Variants in TTC6 observed in about 807,000 individuals in gnomAD.
TTC6 encodes the protein tetratricopeptide repeat domain 6.
Under a neutral mutation model 210.4 loss-of-function variants are expected in TTC6, and 172 were observed. That is an observed-to-expected ratio of 0.82 (90% confidence interval 0.72 to 0.93). TTC6 has a LOEUF of 0.93. Ranked by LOEUF, TTC6 falls within the 40% of genes least tolerant of loss-of-function variation. TTC6 has a pLI of 0.00. For synonymous variants in TTC6, 804 were observed against 819.6 expected, an observed-to-expected ratio of 0.98 and a Z score of 0.32; for missense variants, 2,414 against 2,318.1, an observed-to-expected ratio of 1.04 and a Z score of -0.85.
intron 1 of TTC6, among the ~76,000 whole-genome samples, chr14:37,661,110 C>A (rs1482954047): frequency 6.6e-6 from 1 of 152,138 alleles, no homozygotes. Context: ...AGGTAGATTG[C>A]AGAAATTTTC....
chr14:37,704,113 G>T (rs1057127719), intron 5 of TTC6, among the ~76,000 whole-genome samples: 32 of 152,052 alleles, frequency 2.1e-4, no homozygotes, highest in Admixed American at 3.9e-4. Context: ...TAGAGACAGG[G>T]TCTTGCTCTG....
At chr14:37,773,069 A>G (rs1262441897) in intron 14 of TTC6, among the ~76,000 whole-genome samples, 3 of 151,970 alleles carry the variant, frequency 2.0e-5, no homozygotes, top group Admixed American at 6.6e-5. Context: ...GTGTCTGTTC[A>G]TGTCCTTGGC....
intron 20 of TTC6, among the ~76,000 whole-genome samples, chr14:37,803,041 C>G (rs1299611346): frequency 6.6e-6 from 1 of 152,148 alleles, no homozygotes; most frequent in Admixed American, 6.5e-5. Flanking sequence ...CCTTCATTGA[C>G]TTTCTTATTG....
At chr14:37,683,089 T>C in intron 3 of TTC6, 125 bp downstream of exon 5, 1 of 773,962 alleles carries the variant, frequency 1.3e-6, no homozygotes, top group Non-Finnish European at 2.0e-6. Flanking sequence ...GTGTGTTCAC[T>C]CTGAAAAGGG....
At position 37,769,541 on chromosome 14, in the gene TTC6, G is replaced by T. The variant is rs538095059; in HGVS notation, c.3266+16306G>T. 1.4e-3 allele frequency among the ~76,000 whole-genome samples: 216 copies of T among 152,302 alleles called. 1 individual carries two copies. The highest frequency in any genetic ancestry group is 5.0e-3 in the African/African-American group (208 of 41,574). ...CTGGTTTAGTCTTGGGAGAGTGTAT[G>T]TGTCGAGGCATTTATCCATTTCTTC... On this transcript the variant is annotated intron_variant, in intron 14 of 30. Transcript: ENST00000553443.
intron 1 of TTC6, among the ~76,000 whole-genome samples, chr14:37,631,579 G>A (rs899712615): frequency 2.6e-5 from 4 of 152,108 alleles, no homozygotes; most frequent in Admixed American, 6.5e-5. Flanking sequence ...TAAACCTGAT[G>A]ATTATGTGTG....
intron 5 of TTC6, among the ~76,000 whole-genome samples, chr14:37,706,541 A>G (rs1030954389): frequency 2.0e-5 from 3 of 152,148 alleles, no homozygotes; most frequent in Admixed American, 2.0e-4. Flanking sequence ...TAAAAACTGG[A>G]AACAACCTAA....
chr14:37,755,226 T>C (rs2095963996), intron 14 of TTC6, among the ~76,000 whole-genome samples: 2 of 142,008 alleles, frequency 1.4e-5, no homozygotes, highest in Admixed American at 1.4e-4. Context: ...CACTTTTTGA[T>C]GTTTTTTTTT....
intron 14 of TTC6, among the ~76,000 whole-genome samples, chr14:37,767,580 T>G (rs2139150102): frequency 6.6e-6 from 1 of 152,380 alleles, no homozygotes; most frequent in East Asian, 1.9e-4. Flanking sequence ...ATGTGTTTTT[T>G]GGCTACATAA....
intron 1 of TTC6, among the ~76,000 whole-genome samples, chr14:37,653,297 A>G (rs180938414): frequency 2.2e-4 from 33 of 152,312 alleles, no homozygotes; most frequent in Admixed American, 1.3e-3. Flanking sequence ...TTTATTTGCG[A>G]TGGATCCTGA....
intron 2 of TTC6, among the ~76,000 whole-genome samples, chr14:37,682,177 A>C (rs2095785386): frequency 6.6e-6 from 1 of 151,012 alleles, no homozygotes; most frequent in African/African-American, 2.4e-5. Context: ...TTGGTTGGGC[A>C]TAGCCTATCC....
intron 15 of TTC6, among the ~76,000 whole-genome samples, chr14:37,789,529 C>A (rs553127020): frequency 6.7e-6 from 1 of 149,874 alleles, no homozygotes; most frequent in Non-Finnish European, 1.5e-5. Context: ...ACTTGACATT[C>A]GCATTGTGGA....
At chr14:37,837,469 G>T (rs1245334218) in intron 29 of TTC6, 1 of 449,836 alleles carries the variant, frequency 2.2e-6, no homozygotes, top group Non-Finnish European at 4.5e-6. Context: ...CTGTCCCAGG[G>T]ATGAGATGGA....
At chr14:37,596,989 A>G (rs1272668556) in intron 1 of TTC6, among the ~76,000 whole-genome samples, 1 of 151,262 alleles carries the variant, frequency 6.6e-6, no homozygotes, top group Admixed American at 6.6e-5. Flanking sequence ...AAAAAAAGAT[A>G]AAAGCATTGG....
At chr14:37,642,956 A>T (rs1462249615) in intron 1 of TTC6, among the ~76,000 whole-genome samples, 1 of 152,224 alleles carries the variant, frequency 6.6e-6, no homozygotes, top group South Asian at 2.1e-4. Context: ...TCACTGTCAT[A>T]TATGGGGTCT....
chr14:37,704,668 TG>T (rs1327625725), intron 5 of TTC6, among the ~76,000 whole-genome samples: 1 of 152,052 alleles, frequency 6.6e-6, no homozygotes, highest in Non-Finnish European at 1.5e-5. Context: ...TTCAATTTGT[TG>T]TCTGCTTTTC....
chr14:37,842,588 C>A (rs542157949), downstream of TTC6: 7 of 189,012 alleles, frequency 3.7e-5, no homozygotes, highest in East Asian at 9.1e-4. Flanking sequence ...AAAATATTTT[C>A]TTTAATTCTT....
chr14:37,724,838 G>C, intron 6 of TTC6, 60 bp from the exon 9 acceptor site: 1 of 1,009,380 alleles, frequency 9.9e-7, no homozygotes, highest in Non-Finnish European at 1.4e-6. Context: ...AGGAGATTGA[G>C]TTTTTACTCT....
At chr14:37,804,746 A>G in exon 21 of TTC6, 1 of 1,614,216 alleles carries the variant, frequency 6.2e-7, no homozygotes, top group Non-Finnish European at 8.5e-7. Flanking sequence ...ACCAGATGCC[A>G]CAGCAATTTC....
Sources: allele counts gnomAD v4.1 joint callset (sites outside exome capture counted in the v4.1 genomes callset), GRCh38; gene constraint gnomAD v4.1.1; transcripts MANE v1.5; gene names NCBI Gene and HGNC (gene_info 2026-07-23, HGNC 2026-07-21).